The following MAPK6 variants were observed in gnomAD, a reference collection of about 807,000 sequenced individuals.
MAPK6 encodes the protein mitogen-activated protein kinase 6.
A neutral mutation model predicts 59.3 loss-of-function variants in MAPK6; 19 were observed. That is an observed-to-expected ratio of 0.32 (90% confidence interval 0.22 to 0.47). The LOEUF (loss-of-function observed/expected upper bound fraction) is 0.47. Ranked by LOEUF, MAPK6 falls within the 20% of genes least tolerant of loss-of-function variation. MAPK6 has a pLI of 1.00. For synonymous variants in MAPK6, 316 were observed against 290.3 expected (o/e 1.09, Z -0.90); for missense variants, 724 against 847.9 (o/e 0.85, Z 1.81).
intron 1 of MAPK6, among the ~76,000 whole-genome samples, chr15:52,037,505 T>A (rs1353602835): frequency 6.6e-6 from 1 of 152,220 alleles, no homozygotes; most frequent in Non-Finnish European, 1.5e-5. Context: ...AGAGTCCTGC[T>A]TGACTGATTA....
chr15:52,035,225 G>A (rs990163002), intron 1 of MAPK6, among the ~76,000 whole-genome samples: 2 of 152,198 alleles, frequency 1.3e-5, no homozygotes, highest in African/African-American at 4.8e-5. Context: ...TTTATTCCAT[G>A]CTTCCTGTCT....
intron 3 of MAPK6, chr15:52,011,529 C>T (rs774954045): frequency 6.6e-6 from 1 of 152,112 alleles, no homozygotes; most frequent in Non-Finnish European, 1.5e-5. Context: ...CTTTTGGCAG[C>T]GAGTTCAGTG....
intron 1 of MAPK6, among the ~76,000 whole-genome samples, chr15:51,982,995 A>G (rs970458472): frequency 1.3e-5 from 2 of 152,176 alleles, no homozygotes; most frequent in Admixed American, 1.3e-4. Flanking sequence ...TGATGTATGG[A>G]TAAGTTTAAC....
rs2032404738 is a variant in MAPK6, at chr15:52,065,893, AGGTGC to A, written c.*894_*898del. ...CTGTGTATAGGAATTTGTATTTTGG[AGGTGC>A]TTGATCTATCTACAAAGAAAAATTA... On this transcript the variant is annotated 3_prime_UTR_variant, in exon 6 of 6. Coordinates refer to ENST00000261845, the MANE Select transcript of MAPK6 (RefSeq NM_002748.4). 1 of 152,588 alleles carries A rather than the reference AGGTGC, an allele frequency of 6.6e-6. No individual in the cohort carries two copies. The highest frequency in any genetic ancestry group is 1.5e-5 in the Non-Finnish European group (1 of 68,038). 9.5% of individuals were successfully genotyped at this position (152,588 alleles called of 1,614,324 possible). A position where few individuals can be genotyped will look rare whatever the true frequency, so the allele number is the denominator to read the frequency against.
chr15:52,007,722 A>T (rs545486058), intron 3 of MAPK6, among the ~76,000 whole-genome samples: 20 of 150,274 alleles, frequency 1.3e-4, no homozygotes, highest in Admixed American at 1.3e-3. Context: ...AAAAAAAATT[A>T]ATTCCTTTGT....
At chr15:52,057,584 G>C (rs1279910758) in intron 3 of MAPK6, among the ~76,000 whole-genome samples, 1 of 150,734 alleles carries the variant, frequency 6.6e-6, no homozygotes, top group African/African-American at 2.4e-5. Flanking sequence ...TCTTATTGTT[G>C]CCCAGGCTAG....
At position 52,046,825 on chromosome 15, in the gene MAPK6, G is replaced by A; in HGVS notation, c.365G>A (p.Gly122Asp). ...GACTTGGCTAATGTGCTGGAGCAGG[G>A]CCCTTTACTGGAAGAGCATGCCAGG... ...ETDLANVLEQ[G>D]PLLEEHARLF... The change falls in exon 2 of 6, where the codon GGC becomes GAC. Residue 122 changes from glycine to aspartate, a missense_variant. By Grantham distance (94) the Gly-to-Asp change is moderately conservative. Transcript: ENST00000261845. 1 of 1,613,924 alleles carries A rather than the reference G, an allele frequency of 6.2e-7. No individual in the cohort carries two copies. Among genetic ancestry groups the A allele is most frequent in the Non-Finnish European group, 8.5e-7 (1 of 1,179,906 alleles).
rs532885495 is a variant in MAPK6, at chr15:52,022,340, A to G, written c.-632+2964A>G. On this transcript the variant is annotated intron_variant, in intron 1 of 5. Transcript: ENST00000261845. ...TAGTGGTGCGATCACTGTTCACTGC[A>G]ACCTCTACTTCCCGGGCTCAGGTGA... Among the ~76,000 whole-genome samples the G allele has an allele frequency of 2.1e-3, 316 of 152,254 alleles. 2 individuals are homozygous for G. Among genetic ancestry groups the G allele is most frequent in the Non-Finnish European group, 4.0e-3 (269 of 68,012 alleles).
upstream of MAPK6, among the ~76,000 whole-genome samples, chr15:52,015,893 A>C (rs376029488): frequency 3.2e-4 from 40 of 124,152 alleles, 4 homozygotes; most frequent in South Asian, 2.5e-3. Flanking sequence ...CCCCCTCTCT[A>C]CTAAAAATGC....
At chr15:52,042,445 T>TA (rs1262875929) in intron 1 of MAPK6, among the ~76,000 whole-genome samples, 2 of 152,172 alleles carry the variant, frequency 1.3e-5, no homozygotes, top group Non-Finnish European at 2.9e-5. Flanking sequence ...TACCCACTCT[T>TA]ACCTCGTTAA....
Position 52,064,919 on chromosome 15 carries a change from C to T in MAPK6, c.2085C>T (p.Ala695=), listed in dbSNP as rs143495712. The change falls in exon 6 of 6, where the codon GCC becomes GCT. Residue 695 remains alanine, a synonymous_variant. Transcript: ENST00000261845. ...GGTCACCACTTAAGTCAATACAGGCCACATTAACACCTTCTGCTATGAAAT... is the reference window on the plus strand; with the variant it reads ...GGTCACCACTTAAGTCAATACAGGCTACATTAACACCTTCTGCTATGAAAT... ...PVGSPLKSIQ[A]TLTPSAMKSS... is the part of the protein sequence containing the mutation. The T allele has an allele frequency of 1.4e-4, 224 of 1,611,878 alleles. No individual in the cohort carries two copies. The East Asian group carries it at 4.9e-3, about 35-fold the overall frequency.
intron 1 of MAPK6, among the ~76,000 whole-genome samples, chr15:52,029,405 T>TC (rs772354946): frequency 3.3e-5 from 5 of 152,194 alleles, no homozygotes; most frequent in Non-Finnish European, 5.9e-5. Flanking sequence ...GGTTTTTTTT[T>TC]CACCCTCTTT....
At chr15:52,041,946 A>T (rs950646107) in intron 1 of MAPK6, among the ~76,000 whole-genome samples, 10 of 152,244 alleles carry the variant, frequency 6.6e-5, no homozygotes, top group Admixed American at 1.3e-4. Flanking sequence ...GATAAACTCC[A>T]TGAGGGCAGA....
intron 3 of MAPK6, among the ~76,000 whole-genome samples, chr15:52,056,491 C>T (rs1466686745): frequency 6.6e-6 from 1 of 152,226 alleles, no homozygotes; most frequent in Non-Finnish European, 1.5e-5. Context: ...CTGTCTTTCA[C>T]CCTGTCCAGT....
At chr15:52,045,717 T>C (rs998151565) in intron 1 of MAPK6, 113 bp from the exon 2 acceptor site, 2 of 152,620 alleles carry the variant, frequency 1.3e-5, no homozygotes, top group Non-Finnish European at 2.9e-5. Flanking sequence ...ATAATTAAGT[T>C]TAATGTACCA....
chr15:52,052,177 A>G (rs916654708), intron 3 of MAPK6, among the ~76,000 whole-genome samples: 1 of 152,162 alleles, frequency 6.6e-6, no homozygotes, highest in Non-Finnish European at 1.5e-5. Flanking sequence ...TTCTCAGTCA[A>G]GATGTTGGTA....
At chr15:51,992,304 TA>T (rs747022936) in intron 2 of MAPK6, among the ~76,000 whole-genome samples, 245 of 60,744 alleles carry the variant, frequency 4.0e-3, no homozygotes, top group East Asian at 0.011. Context: ...TATATATATA[TA>T]TTTTTTTTTT....
chr15:52,052,177 A>T (rs916654708), intron 3 of MAPK6, among the ~76,000 whole-genome samples: 1 of 152,162 alleles, frequency 6.6e-6, no homozygotes, highest in Admixed American at 6.5e-5. Context: ...TTCTCAGTCA[A>T]GATGTTGGTA....
At chr15:51,997,632 C>G (rs1395954772) in intron 2 of MAPK6, among the ~76,000 whole-genome samples, 1 of 148,888 alleles carries the variant, frequency 6.7e-6, no homozygotes, top group African/African-American at 2.5e-5. Context: ...CTCTTGTTGC[C>G]CAGGCTGGAA....
Sources: allele counts gnomAD v4.1 joint callset (sites outside exome capture counted in the v4.1 genomes callset), GRCh38; gene constraint gnomAD v4.1.1; transcripts MANE v1.5; gene names NCBI Gene and HGNC (gene_info 2026-07-23, HGNC 2026-07-21).